The following SGCZ variants were observed in gnomAD, a reference collection of about 807,000 sequenced individuals.
SGCZ encodes the protein zeta-sarcoglycan.
A neutral mutation model predicts 41.3 loss-of-function variants in SGCZ; 40 were observed. The ratio of observed to expected loss-of-function variants is 0.97; its 90% CI spans 0.75 to 1.26. SGCZ has a LOEUF of 1.26. SGCZ is among the 50% of genes most tolerant of loss of function. SGCZ has a pLI of 0.00. For synonymous variants in SGCZ, 206 were observed against 137.5 expected, an observed-to-expected ratio of 1.50 and a Z score of -3.49; for missense variants, 552 against 369.8, an observed-to-expected ratio of 1.49 and a Z score of -4.04.
intron 1 of SGCZ, among the ~76,000 whole-genome samples, chr8:14,839,124 C>T (rs1585307573): frequency 2.0e-5 from 3 of 152,240 alleles, no homozygotes; most frequent in East Asian, 3.9e-4. Flanking sequence ...ACTGATGTAA[C>T]ACTCCAGCTG....
intron 1 of SGCZ, among the ~76,000 whole-genome samples, chr8:14,702,812 GGTAGATAGATAGA>G (rs1809189707): frequency 4.2e-5 from 5 of 118,260 alleles, no homozygotes; most frequent in African/African-American, 1.5e-4. Flanking sequence ...TAGGTAGTTA[GGTAGATAGATAGA>G]TAGATAGATA....
chr8:14,760,965 A>C (rs1467403343), intron 1 of SGCZ, among the ~76,000 whole-genome samples: 1 of 152,198 alleles, frequency 6.6e-6, no homozygotes, highest in Admixed American at 6.5e-5. Context: ...AAGTTTTGTT[A>C]AACTGTTGGA....
At chr8:14,243,339 C>T (rs7819289) in intron 3 of SGCZ, among the ~76,000 whole-genome samples, 151,561 of 152,296 alleles carry the variant, frequency 1, 75,420 homozygotes, top group East Asian at 1. Context: ...CAGTCAGCTG[C>T]GTCAGAAATA....
intron 1 of SGCZ, among the ~76,000 whole-genome samples, chr8:14,869,748 A>G (rs750296899): frequency 2.0e-5 from 3 of 152,224 alleles, no homozygotes; most frequent in Non-Finnish European, 4.4e-5. Flanking sequence ...AACTCTCAGG[A>G]TACACAATCA....
At chr8:14,771,440 T>C (rs992889184) in intron 1 of SGCZ, among the ~76,000 whole-genome samples, 2 of 152,128 alleles carry the variant, frequency 1.3e-5, no homozygotes, top group Admixed American at 6.6e-5. Flanking sequence ...GTACTTTCAA[T>C]TACAGAAAGA....
rs115065680 is a variant in SGCZ at position 14,345,702 on chromosome 8, G to A, written c.235-21498C>T. 6.8e-3 allele frequency among the ~76,000 whole-genome samples: 1,028 copies of A among 152,130 alleles called. 15 individuals are homozygous for A. The highest frequency in any genetic ancestry group is 0.023 in the African/African-American group (970 of 41,536). On this transcript the variant is annotated intron_variant, in intron 2 of 7. Coordinates refer to ENST00000382080, the MANE Select transcript of SGCZ (RefSeq NM_139167.4). ...AAGATTTGTTTAAAAAGAGAAAAAG[G>A]TTCAACTCTAGCCTGGGCTAATCTA...
At chr8:14,423,177 G>C (rs1031504261) in intron 2 of SGCZ, among the ~76,000 whole-genome samples, 1 of 151,890 alleles carries the variant, frequency 6.6e-6, no homozygotes, top group African/African-American at 2.4e-5. Context: ...TGGGCGGAGG[G>C]GGGAGGGATA....
rs1012202868 is a variant in SGCZ at position 15,232,682 on chromosome 8, T to C, written c.39+4903A>G. 2.8e-3 allele frequency among the ~76,000 whole-genome samples: 324 copies of C among 114,692 alleles called. 4 individuals are homozygous for C. The highest frequency in any genetic ancestry group is 0.012 in the African/African-American group (310 of 26,032). 75.2% of individuals were successfully genotyped at this position (114,692 alleles called of 152,430 possible). On this transcript the variant is annotated intron_variant, in intron 1 of 7. Coordinates refer to ENST00000382080, the MANE Select transcript of SGCZ (RefSeq NM_139167.4). ...ATACATATATATGTGTGTGTATATA[T>C]ATATATATGTGTGTATATATATACA...
chr8:14,949,326 CT>C (rs1176068379), intron 1 of SGCZ, among the ~76,000 whole-genome samples: 1 of 152,042 alleles, frequency 6.6e-6, no homozygotes, highest in Non-Finnish European at 1.5e-5. Context: ...TATTGCTGTA[CT>C]TTTGACCTTA....
intron 1 of SGCZ, among the ~76,000 whole-genome samples, chr8:14,802,632 C>T (rs1801360460): frequency 6.6e-6 from 1 of 152,088 alleles, no homozygotes; most frequent in South Asian, 2.1e-4. Context: ...GAGAAACACA[C>T]AAATATATAT....
intron 1 of SGCZ, among the ~76,000 whole-genome samples, chr8:14,725,315 T>G (rs2130204514): frequency 6.6e-6 from 1 of 152,274 alleles, no homozygotes; most frequent in Middle Eastern, 3.4e-3. Flanking sequence ...GCTATCTCTT[T>G]GATATATTTA....
intron 1 of SGCZ, among the ~76,000 whole-genome samples, chr8:15,018,103 A>G (rs978817862): frequency 5.9e-5 from 9 of 152,266 alleles, no homozygotes; most frequent in African/African-American, 2.2e-4. Context: ...ACAAGAAACA[A>G]CTAAGAAGAA....
rs183503269 is a variant in SGCZ, at chr8:15,109,370, G to C, written c.39+128215C>G. Among the ~76,000 whole-genome samples the C allele has an allele frequency of 6.6e-4, 101 of 152,236 alleles. No individual in the cohort carries two copies. The South Asian group carries it at 0.01, about 15-fold the overall frequency. On this transcript the variant is annotated intron_variant, in intron 1 of 7. Coordinates refer to ENST00000382080, the MANE Select transcript of SGCZ (RefSeq NM_139167.4). ...TCACTCGAGCTGAGTTTTAAAATTT[G>C]AGAAGGAATGTTGGCCAATTGAGTA... is the stretch of plus-strand genomic sequence containing the variant.
At chr8:14,962,330 A>C (rs1049962801) in intron 1 of SGCZ, among the ~76,000 whole-genome samples, 2 of 152,048 alleles carry the variant, frequency 1.3e-5, no homozygotes, top group Non-Finnish European at 2.9e-5. Flanking sequence ...GTTGATAGCT[A>C]TTACCCTTTT....
rs1007561316 is a variant in SGCZ at position 14,353,362 on chromosome 8, T to C, written c.235-29158A>G. On this transcript the variant is annotated intron_variant, in intron 2 of 7. Coordinates refer to ENST00000382080, the MANE Select transcript of SGCZ (RefSeq NM_139167.4). ...GGCCCTCTTCTCTATGAATTTCACA[T>C]ACCTGTGTAGTGATTTAATCTTGAT... Among the ~76,000 whole-genome samples, 7 of 152,108 alleles carry C rather than the reference T, an allele frequency of 4.6e-5. 1 individual carries two copies. The highest frequency in any genetic ancestry group is 3.9e-4 in the Admixed American group (6 of 15,242).
intron 2 of SGCZ, among the ~76,000 whole-genome samples, chr8:14,475,635 A>T (rs932919870): frequency 6.6e-6 from 1 of 152,082 alleles, no homozygotes; most frequent in Admixed American, 6.6e-5. Flanking sequence ...ATTGTTGGAG[A>T]TAAAACCAAA....
chr8:14,682,757 G>A (rs895443373), intron 1 of SGCZ, among the ~76,000 whole-genome samples: 2 of 152,136 alleles, frequency 1.3e-5, no homozygotes, highest in African/African-American at 4.8e-5. Flanking sequence ...AAACAGAGAT[G>A]TCTTTTACCA....
At chr8:14,724,005 A>T (rs1420329414) in intron 1 of SGCZ, among the ~76,000 whole-genome samples, 1 of 152,170 alleles carries the variant, frequency 6.6e-6, no homozygotes, top group Non-Finnish European at 1.5e-5. Flanking sequence ...AGCCTACTGC[A>T]ATGAATATTT....
intron 2 of SGCZ, among the ~76,000 whole-genome samples, chr8:14,410,628 A>T (rs1037084380): frequency 6.6e-6 from 1 of 151,860 alleles, no homozygotes; most frequent in Non-Finnish European, 1.5e-5. Flanking sequence ...GGACAAGGGG[A>T]GGGAGAGCAT....
Sources: allele counts gnomAD v4.1 joint callset (sites outside exome capture counted in the v4.1 genomes callset), GRCh38; gene constraint gnomAD v4.1.1; transcripts MANE v1.5; gene names NCBI Gene and HGNC (gene_info 2026-07-23, HGNC 2026-07-21).